ZNF131: variants seen among roughly 807,000 people sequenced by gnomAD.
ZNF131 encodes the protein zinc finger and BTB domain containing 35.
In ZNF131, 7 loss-of-function variants were observed where a neutral mutation model predicts 60.0. The observed-to-expected ratio is 0.12, with a 90% CI of 0.07 to 0.22. The LOEUF is 0.22. Ranked by LOEUF, ZNF131 falls within the 10% of genes least tolerant of loss-of-function variation. The pLI is 1.00. For synonymous variants in ZNF131, 257 were observed against 253.2 expected, an observed-to-expected ratio of 1.01 and a Z score of -0.14; for missense variants, 493 against 740.9, an observed-to-expected ratio of 0.67 and a Z score of 3.88.
chr5:43,174,903 GTCAA>G lies in ZNF131; in HGVS notation c.1647_1650del (p.Asn549LysfsTer11), dbSNP rs1561456222. The G allele has an allele frequency of 6.2e-7, 1 of 1,614,032 alleles. No individual in the cohort carries two copies. The highest frequency in any genetic ancestry group is 8.5e-7 in the Non-Finnish European group (1 of 1,180,042). The stretch of plus-strand genomic sequence containing the variant: ...TGTAGAGGAGCTGCATGTTGAACGG[GTCAA>G]TCAAATGCCAGTGGAAGTACAAACT... On this transcript the variant is annotated frameshift_variant, in exon 7 of 7. Coordinates refer to ENST00000682664, the MANE Select transcript of ZNF131 (RefSeq NM_001330707.2). LOFTEE classifies it high-confidence loss of function.
intron 4 of ZNF131, among the ~76,000 whole-genome samples, chr5:43,144,377 C>T (rs1280484551): frequency 2.0e-5 from 3 of 151,062 alleles, no homozygotes; most frequent in Non-Finnish European, 4.4e-5. Flanking sequence ...TATAGGCGCT[C>T]ACCACCACGC....
intron 4 of ZNF131, among the ~76,000 whole-genome samples, chr5:43,149,379 T>G (rs1326515056): frequency 6.6e-6 from 1 of 152,196 alleles, no homozygotes; most frequent in Non-Finnish European, 1.5e-5. Context: ...TATAAGTAGT[T>G]CATTCCTTTT....
At chr5:43,167,718 A>T (rs1045712108) in intron 5 of ZNF131, among the ~76,000 whole-genome samples, 4 of 152,186 alleles carry the variant, frequency 2.6e-5, no homozygotes, top group African/African-American at 9.7e-5. Flanking sequence ...CCTGCCTTCA[A>T]GGAGCTCAGG....
intron 5 of ZNF131, among the ~76,000 whole-genome samples, chr5:43,162,442 A>G (rs1353298982): frequency 2.0e-5 from 3 of 151,588 alleles, no homozygotes; most frequent in Admixed American, 1.3e-4. Flanking sequence ...AAATACAAAA[A>G]TTAGCCAGGC....
At chr5:43,135,939 AC>A in intron 3 of ZNF131, among the ~76,000 whole-genome samples, 1 of 151,842 alleles carries the variant, frequency 6.6e-6, no homozygotes, top group Non-Finnish European at 1.5e-5. Context: ...ACGTAGTGAA[AC>A]CCTGTCTCTA....
chr5:43,169,397 A>C (rs1335679847), intron 5 of ZNF131, among the ~76,000 whole-genome samples: 1 of 152,238 alleles, frequency 6.6e-6, no homozygotes, highest in Non-Finnish European at 1.5e-5. Flanking sequence ...TCTCGTTTCT[A>C]CTCAGGTAGA....
intron 5 of ZNF131, among the ~76,000 whole-genome samples, chr5:43,170,142 T>C (rs1416532398): frequency 2.6e-5 from 4 of 151,810 alleles, no homozygotes; most frequent in Non-Finnish European, 5.9e-5. Flanking sequence ...TCACTGATAA[T>C]GAAAAATTAT....
chr5:43,158,569 C>T (rs1303343813), intron 4 of ZNF131, among the ~76,000 whole-genome samples: 4 of 152,348 alleles, frequency 2.6e-5, no homozygotes, highest in African/African-American at 4.8e-5. Context: ...GGATTACAGG[C>T]GTGAGCCACC....
intron 4 of ZNF131, chr5:43,143,271 T>G (rs1747099589): frequency 2.9e-6 from 2 of 699,486 alleles, no homozygotes; most frequent in East Asian, 1.1e-4. Flanking sequence ...TCTGCCCGCC[T>G]CTGCCTCCCA....
intron 3 of ZNF131, among the ~76,000 whole-genome samples, chr5:43,131,592 C>T (rs200774402): frequency 3.3e-5 from 5 of 152,126 alleles, no homozygotes; most frequent in Non-Finnish European, 5.9e-5. Flanking sequence ...AGCAGAGGAA[C>T]GATCATGAAA....
intron 5 of ZNF131, chr5:43,173,024 T>G (rs1174865264): frequency 3.0e-5 from 6 of 199,548 alleles, no homozygotes; most frequent in Non-Finnish European, 6.1e-5. Context: ...TCATGATTTT[T>G]ATCTAAGGGA....
intron 3 of ZNF131, among the ~76,000 whole-genome samples, chr5:43,135,852 T>C (rs2112223405): frequency 6.6e-6 from 1 of 152,318 alleles, no homozygotes; most frequent in Admixed American, 6.5e-5. Flanking sequence ...GTGCAGTGGC[T>C]CACGCCTATA....
intron 3 of ZNF131, among the ~76,000 whole-genome samples, chr5:43,134,760 G>A (rs1431393238): frequency 1.4e-5 from 2 of 142,166 alleles, no homozygotes; most frequent in East Asian, 2.0e-4. Context: ...GAGTGCAGTG[G>A]CGTGACCTCG....
intron 4 of ZNF131, among the ~76,000 whole-genome samples, chr5:43,141,998 G>C (rs142539206): frequency 9.0e-4 from 137 of 152,028 alleles, no homozygotes; most frequent in African/African-American, 3.1e-3. Flanking sequence ...CCATGCATGA[G>C]CCTTATTTTA....
chr5:43,125,115 A>G (rs956706404), intron 3 of ZNF131: 1 of 152,172 alleles, frequency 6.6e-6, no homozygotes, highest in Non-Finnish European at 1.5e-5. Flanking sequence ...TGAAGAATTA[A>G]TGAATAAGAT....
intron 4 of ZNF131, among the ~76,000 whole-genome samples, chr5:43,144,270 A>G (rs1164633912): frequency 1.5e-4 from 11 of 75,786 alleles, no homozygotes; most frequent in Admixed American, 2.0e-4. Context: ...TTTTTTTTGG[A>G]GACAGAGCTT....
intron 4 of ZNF131, among the ~76,000 whole-genome samples, chr5:43,146,326 G>A (rs1036613216): frequency 1.1e-4 from 16 of 152,156 alleles, no homozygotes; most frequent in African/African-American, 3.1e-4. Context: ...GGTGGCTCAC[G>A]CCTGTAATCC....
At chr5:43,149,220 G>T (rs549012915) in intron 4 of ZNF131, among the ~76,000 whole-genome samples, 2 of 151,728 alleles carry the variant, frequency 1.3e-5, no homozygotes, top group Non-Finnish European at 2.9e-5. Flanking sequence ...GCAGTGAGCC[G>T]AGATCGTGCC....
chr5:43,161,622 A>G lies in ZNF131; in HGVS notation c.745A>G (p.Ile249Val). The G allele has an allele frequency of 1.2e-6, 2 of 1,614,234 alleles. No homozygotes were observed. Among genetic ancestry groups the G allele is most frequent in the Non-Finnish European group, 1.7e-6 (2 of 1,180,030 alleles). Residue 249 changes from isoleucine to valine, a missense_variant, in exon 5 of 7, where the codon ATT becomes GTT. Ile to Val is a conservative substitution (Grantham distance 29, BLOSUM62 3). Transcript: ENST00000682664. ...GAGCAAACAGGTAGAAGGTATTGAA[A>G]TTGTGGAACTTCAGCTGTCACATGT... ...PTSKQVEGIE[I>V]VELQLSHVKD...
Sources: allele counts gnomAD v4.1 joint callset (sites outside exome capture counted in the v4.1 genomes callset), GRCh38; gene constraint gnomAD v4.1.1; transcripts MANE v1.5; gene names NCBI Gene and HGNC (gene_info 2026-07-23, HGNC 2026-07-21).